Variants in SLC12A8 observed in about 807,000 individuals in gnomAD.
SLC12A8 encodes the protein cation-chloride cotransporter 9.
Under a neutral mutation model 75.6 loss-of-function variants are expected in SLC12A8, and 69 were observed. That is an observed-to-expected ratio of 0.91 (90% confidence interval 0.75 to 1.11). The LOEUF (loss-of-function observed/expected upper bound fraction) is 1.11. SLC12A8 is among the 50% of genes most tolerant of loss of function. SLC12A8 has a pLI of 0.00. For missense variants in SLC12A8, 877 were observed against 896.7 expected (o/e 0.98, Z 0.28); for synonymous variants, 365 against 372.8 (o/e 0.98, Z 0.24).
At chr3:125,104,866 C>T (rs1025627698) in intron 10 of SLC12A8, among the ~76,000 whole-genome samples, 2 of 152,076 alleles carry the variant, frequency 1.3e-5, no homozygotes, top group Non-Finnish European at 2.9e-5. Context: ...AATGTAATGG[C>T]GTGACCCCAG....
At chr3:125,148,686 C>T (rs1256537112) in intron 5 of SLC12A8, among the ~76,000 whole-genome samples, 1 of 152,200 alleles carries the variant, frequency 6.6e-6, no homozygotes, top group Non-Finnish European at 1.5e-5. Context: ...AGAGCCCACT[C>T]TCTGCATGCC....
intron 5 of SLC12A8, among the ~76,000 whole-genome samples, chr3:125,141,717 G>C (rs78402186): frequency 0.29 from 44,357 of 151,892 alleles, 6,785 homozygotes; most frequent in Middle Eastern, 0.38. Flanking sequence ...CTGCCGCGGC[G>C]GGGGCTTCCG....
chr3:125,113,626 A>G (rs1174080022), intron 8 of SLC12A8, among the ~76,000 whole-genome samples: 1 of 152,218 alleles, frequency 6.6e-6, no homozygotes, highest in East Asian at 1.9e-4. Context: ...TAAATGTGCC[A>G]GTGGAGGTGG....
intron 10 of SLC12A8, among the ~76,000 whole-genome samples, chr3:125,099,919 ACT>A (rs1272804785): frequency 1.3e-5 from 2 of 152,300 alleles, no homozygotes; most frequent in Admixed American, 6.5e-5. Flanking sequence ...CAAGAGCGAA[ACT>A]CTGTTTCAAA....
intron 5 of SLC12A8, among the ~76,000 whole-genome samples, chr3:125,169,366 G>T (rs1469388315): frequency 1.3e-5 from 2 of 152,160 alleles, no homozygotes; most frequent in Non-Finnish European, 2.9e-5. Context: ...GGGACAGGAG[G>T]TGAAGAAAGG....
At chr3:125,192,808 T>G (rs897608893) in intron 2 of SLC12A8, 2 of 154,478 alleles carry the variant, frequency 1.3e-5, no homozygotes, top group Non-Finnish European at 2.9e-5. Context: ...CAAAAAACTA[T>G]AACTCAGTCT....
chr3:125,184,682 C>G (rs1248796432), intron 4 of SLC12A8, among the ~76,000 whole-genome samples: 2 of 151,432 alleles, frequency 1.3e-5, no homozygotes, highest in Non-Finnish European at 2.9e-5. Context: ...CCAACCGCAC[C>G]CTAGAGGAAG....
chr3:125,114,261 G>A (rs1184857044), intron 8 of SLC12A8, among the ~76,000 whole-genome samples: 1 of 152,154 alleles, frequency 6.6e-6, no homozygotes, highest in Non-Finnish European at 1.5e-5. Flanking sequence ...ACTCCCAGGT[G>A]CTGAGTGGCC....
intron 6 of SLC12A8, among the ~76,000 whole-genome samples, chr3:125,133,897 A>G (rs925922431): frequency 4.6e-5 from 7 of 151,722 alleles, no homozygotes; most frequent in African/African-American, 1.7e-4. Context: ...CATCCCCCCA[A>G]AGTTTCCTTC....
chr3:125,122,770 C>A (rs1248161092), intron 6 of SLC12A8, among the ~76,000 whole-genome samples: 1 of 152,158 alleles, frequency 6.6e-6, no homozygotes, highest in African/African-American at 2.4e-5. Context: ...CCAAGATCAC[C>A]CAATGTGTGA....
chr3:125,185,476 CA>C (rs1433946124), intron 4 of SLC12A8, among the ~76,000 whole-genome samples: 1 of 150,752 alleles, frequency 6.6e-6, no homozygotes, highest in Non-Finnish European at 1.5e-5. Context: ...CATTAGTAAC[CA>C]AAAAACTTTC....
chr3:125,187,906 C>T (rs766833340), intron 3 of SLC12A8, among the ~76,000 whole-genome samples: 1 of 152,158 alleles, frequency 6.6e-6, no homozygotes, highest in Non-Finnish European at 1.5e-5. Flanking sequence ...TCTCTGGGCT[C>T]CTCCAGTGCC....
At chr3:125,198,904 A>G (rs971309259) in intron 2 of SLC12A8, among the ~76,000 whole-genome samples, 3 of 150,828 alleles carry the variant, frequency 2.0e-5, no homozygotes, top group African/African-American at 7.3e-5. Flanking sequence ...CAGCCTCCCC[A>G]GTAGCTGAGA....
chr3:125,194,772 C>T (rs977308908), intron 2 of SLC12A8, among the ~76,000 whole-genome samples: 1 of 152,246 alleles, frequency 6.6e-6, no homozygotes, highest in Non-Finnish European at 1.5e-5. Flanking sequence ...AGTGCACCTG[C>T]AGAGACTGGT....
intron 10 of SLC12A8, among the ~76,000 whole-genome samples, chr3:125,102,648 T>G (rs79624462): frequency 0.012 from 1,794 of 152,188 alleles, 30 homozygotes; most frequent in African/African-American, 0.041. Context: ...CAGCAACACC[T>G]ATGACATTTC....
chr3:125,123,322 C>T (rs1017760958), intron 6 of SLC12A8, among the ~76,000 whole-genome samples: 21 of 139,092 alleles, frequency 1.5e-4, no homozygotes, highest in Admixed American at 9.6e-4. Context: ...TTGCAGTGAG[C>T]GGATATCATG....
intron 5 of SLC12A8, among the ~76,000 whole-genome samples, chr3:125,150,191 G>A (rs1432959922): frequency 6.6e-6 from 1 of 152,192 alleles, no homozygotes; most frequent in Non-Finnish European, 1.5e-5. Flanking sequence ...ATTGCCAGAT[G>A]AAACTAAAAT....
intron 9 of SLC12A8, among the ~76,000 whole-genome samples, chr3:125,108,394 G>A (rs1225222869): frequency 1.3e-5 from 2 of 151,036 alleles, no homozygotes; most frequent in Admixed American, 1.3e-4. Flanking sequence ...TTTGAGACCG[G>A]GTCTGGCTCT....
chr3:125,104,865 G>C (rs1013873428), intron 10 of SLC12A8, among the ~76,000 whole-genome samples: 4 of 152,054 alleles, frequency 2.6e-5, no homozygotes, highest in African/African-American at 9.7e-5. Flanking sequence ...AAATGTAATG[G>C]CGTGACCCCA....
Sources: gnomAD v4.1 joint callset for allele counts (sites outside exome capture counted in the v4.1 genomes callset) on GRCh38, gnomAD v4.1.1 for gene constraint, MANE v1.5 for transcripts, NCBI Gene and HGNC (gene_info 2026-07-23, HGNC 2026-07-21) for gene names.